Variants in MYH4 observed in about 807,000 individuals in gnomAD.
The protein encoded by MYH4 is myosin-4.
MYH4 carries 200 observed loss-of-function variants against 229.9 expected under a neutral mutation model. The ratio of observed to expected loss-of-function variants is 0.87; its 90% CI spans 0.78 to 0.98. The LOEUF (loss-of-function observed/expected upper bound fraction) is 0.98, where lower values mean the gene tolerates loss of function less well. Among genes scored for constraint, MYH4 ranks in the 50% least tolerant of loss-of-function variants. MYH4 has a pLI of 0.00. For synonymous variants in MYH4, 761 were observed against 834.6 expected, an observed-to-expected ratio of 0.91 and a Z score of 1.52; for missense variants, 2,148 against 2,332.6, an observed-to-expected ratio of 0.92 and a Z score of 1.63.
intron 7 of MYH4, 59 bp from the exon 8 acceptor site, chr17:10,463,702 G>GGCCGGGCGCGGTGGCTC: frequency 2.9e-6 from 4 of 1,357,172 alleles, no homozygotes; most frequent in Non-Finnish European, 4.1e-6. Context: ...ATTTCCCATT[G>GGCCGGGCGCGGTGGCTC]ACCTCTTTCC....
At chr17:10,465,122 A>G (rs556858040) in intron 5 of MYH4, among the ~76,000 whole-genome samples, 2 of 152,344 alleles carry the variant, frequency 1.3e-5, no homozygotes, top group East Asian at 3.9e-4. Context: ...TGTATTATCT[A>G]TAATCCAAAT....
rs1357441814 is a variant in MYH4 at position 10,457,683 on chromosome 17, T to G, written c.1634A>C (p.Lys545Thr). 1 of 1,614,158 alleles carries G rather than the reference T, an allele frequency of 6.2e-7. No individual in the cohort carries two copies. The highest frequency in any genetic ancestry group is 1.3e-5 in the African/African-American group (1 of 75,044). The change falls in exon 16 of 40, where the codon AAG (lysine) becomes ACG (threonine). Residue 545 changes from lysine to threonine, a missense_variant. Physicochemically the swap from Lys to Thr is moderately conservative, Grantham distance 78 (BLOSUM62 -1). Coordinates refer to ENST00000255381, the MANE Select transcript of MYH4 (RefSeq NM_017533.2). ...SILEEECMFP[K>T]ATDTSFKNKL... is the part of the protein sequence containing the mutation. ...GTTCTTGAAGGAGGTGTCTGTTGCCTTGGGGAACATGCACTCCTCTTCTAG... is the reference window on the plus strand; with the variant it reads ...GTTCTTGAAGGAGGTGTCTGTTGCCGTGGGGAACATGCACTCCTCTTCTAG...
chr17:10,457,652 C>T lies in MYH4; in HGVS notation c.1665G>A (p.Leu555=). The change falls in exon 16 of 40, where the codon CTG becomes CTA. Residue 555 remains leucine (L), a synonymous_variant. Transcript: ENST00000255381. Reference sequence around the variant, plus strand: ...TGGATTTTCCAAGATGTTGTTCATACAGCTTGTTCTTGAAGGAGGTGTCTG... The same window carrying T: ...TGGATTTTCCAAGATGTTGTTCATATAGCTTGTTCTTGAAGGAGGTGTCTG... The part of the protein sequence containing the change: ...KATDTSFKNK[L]YEQHLGKSNN... 1 of 1,614,212 alleles carries T rather than the reference C, an allele frequency of 6.2e-7. No individual in the cohort carries two copies.
chr17:10,466,804 C>G lies in MYH4; in HGVS notation c.-39-20G>C. 1 of 1,586,014 alleles carries G rather than the reference C, an allele frequency of 6.3e-7. No individual in the cohort carries two copies. The highest frequency in any genetic ancestry group is 1.1e-5 in the South Asian group (1 of 90,196). On this transcript the variant is annotated intron_variant, in intron 2 of 39. Coordinates refer to ENST00000255381, the MANE Select transcript of MYH4 (RefSeq NM_017533.2). ...GTATACCTAGAGGAAGAAACAGAGCCAAATGATGATTCAGGGTTGGGGTGG... is the reference window on the plus strand; with the variant it reads ...GTATACCTAGAGGAAGAAACAGAGCGAAATGATGATTCAGGGTTGGGGTGG...
chr17:10,447,792 C>A, intron 34 of MYH4, 26 bp downstream of exon 34: 1 of 1,580,302 alleles, frequency 6.3e-7, no homozygotes, highest in Admixed American at 1.7e-5. Flanking sequence ...GACTGTACAA[C>A]ACTATGTGTA....
At chr17:10,464,126 G>A (rs1315154031) in intron 7 of MYH4, among the ~76,000 whole-genome samples, 3 of 152,104 alleles carry the variant, frequency 2.0e-5, no homozygotes, top group Non-Finnish European at 4.4e-5. Flanking sequence ...AATGAGCATA[G>A]ATAGTACCCA....
At chr17:10,447,333 G>A (rs753990785) in intron 34 of MYH4, 117 bp from the exon 35 acceptor site, 64 of 774,454 alleles carry the variant, frequency 8.3e-5, no homozygotes, top group Middle Eastern at 7.4e-4. Context: ...AGGAGCAATC[G>A]GCAAGTACCT....
At chr17:10,465,722 T>G in intron 4 of MYH4, 124 bp from the exon 5 acceptor site, 1 of 1,268,466 alleles carries the variant, frequency 7.9e-7, no homozygotes, top group South Asian at 1.6e-5. Flanking sequence ...TTTCATTCAT[T>G]TGTTGCCTCC....
rs2072482391 is a variant in MYH4, at chr17:10,443,832, G to A, written c.5668-305C>T. Among the ~76,000 whole-genome samples the A allele has an allele frequency of 6.6e-6, 1 of 151,926 alleles. No individual in the cohort carries two copies. Among genetic ancestry groups the A allele is most frequent in the Admixed American group, 6.6e-5 (1 of 15,258 alleles). ...GGAGGCTGAGGCAGGAGAATCTCTT[G>A]GACCCAGGAGGCAGAGATTGCAGTG... On this transcript the variant is annotated intron_variant, in intron 39 of 39. Transcript: ENST00000255381. This position sits in a 1 kb window ranked among gnomAD's most constrained non-coding sequence, Gnocchi z 4.6.
Position 10,462,274 on chromosome 17 carries a change from A to C in MYH4, c.1008+591T>G, listed in dbSNP as rs373801661. On this transcript the variant is annotated intron_variant, in intron 11 of 39. Coordinates refer to ENST00000255381, the MANE Select transcript of MYH4 (RefSeq NM_017533.2). Reference sequence around the variant, plus strand: ...AAAGAAAGTAAGCCAAAAAGCAATAATCCTTAAAAAAGAGGTGATGGTGGG... The same window carrying C: ...AAAGAAAGTAAGCCAAAAAGCAATACTCCTTAAAAAAGAGGTGATGGTGGG... Among the ~76,000 whole-genome samples, 22 of 152,328 alleles carry C rather than the reference A, an allele frequency of 1.4e-4. No individual in the cohort carries two copies. The East Asian group carries it at 3.7e-3, about 25-fold the overall frequency.
rs1372416677 is a variant in MYH4, at chr17:10,447,102, C to T, written c.5080G>A (p.Ala1694Thr). ...LMQAEVEELR[A>T]SLERTERGRK... ...CCTCTCTCAGTCCGTTCCAGGGATG[C>T]CCTGAGCTCTTCAACTTCAGCCTGC... Residue 1694 changes from alanine to threonine, a missense_variant, in exon 35 of 40, where the codon GCA becomes ACA. Ala to Thr is a moderately conservative substitution (Grantham distance 58). Transcript: ENST00000255381. 1.2e-6 allele frequency: 2 copies of T among 1,614,114 alleles called. No homozygotes were observed. The highest frequency in any genetic ancestry group is 2.7e-5 in the African/African-American group (2 of 75,040).
rs373211256 is a variant in MYH4, at chr17:10,450,738, G to A, written c.3984+39C>T. The A allele has an allele frequency of 2.3e-5, 37 of 1,608,910 alleles. No individual in the cohort carries two copies. The African/African-American group carries it at 3.5e-4, about 15-fold the overall frequency. The stretch of plus-strand genomic sequence containing the variant: ...AGTTCAATAGTGTGTTATGTTGCAC[G>A]GTTCAAGTGATTGAAAGTATCAGCT... On this transcript the variant is annotated intron_variant, in intron 29 of 39. Transcript: ENST00000255381.
chr17:10,460,917 T>C lies in MYH4; in HGVS notation c.1146A>G (p.Glu382=). The C allele has an allele frequency of 1.2e-6, 2 of 1,614,056 alleles. No individual in the cohort carries two copies. The highest frequency in any genetic ancestry group is 1.7e-6 in the Non-Finnish European group (2 of 1,179,978). The change falls in exon 12 of 40, where the codon GAA becomes GAG. Residue 382 remains glutamate (E), a splice_region_variant and synonymous_variant. Transcript: ENST00000255381. ...GAAGATACCAACAGGGGGTGGTACC[T>C]TCCGTGCCATCTGGCTCTGCCTGCT... ...REEQAEPDGT[E]VADKAAYLTS... is the part of the protein sequence containing the mutation.
In MYH4 at chr17:10,454,575, A is replaced by G; in HGVS notation, c.2671T>C (p.Leu891=). ...MVTLMQEKND[L]QLQVQAEADA... is the part of the protein sequence containing the mutation. ...CTTACAGCTTGAACTTGGAGTTGTAAGTCATTTTTCTCTTGCATTAGCGTC... is the reference window on the plus strand; with the variant it reads ...CTTACAGCTTGAACTTGGAGTTGTAGGTCATTTTTCTCTTGCATTAGCGTC... The change falls in exon 22 of 40, where the codon TTA becomes CTA. Residue 891 remains leucine, a synonymous_variant. Transcript: ENST00000255381. 1 of 1,613,838 alleles carries G rather than the reference A, an allele frequency of 6.2e-7. No individual in the cohort carries two copies. The highest frequency in any genetic ancestry group is 8.5e-7 in the Non-Finnish European group (1 of 1,179,968).
At chr17:10,460,131 A>T (rs757532098) in intron 13 of MYH4, 30 bp from the exon 14 acceptor site, 1 of 1,614,090 alleles carries the variant, frequency 6.2e-7, no homozygotes, top group Non-Finnish European at 8.5e-7. Context: ...TTAGTTTTTT[A>T]AATTGAAAAC....
intron 39 of MYH4, 22 bp downstream of exon 39, chr17:10,444,582 T>C (rs2072489576): frequency 1.9e-6 from 3 of 1,600,044 alleles, no homozygotes; most frequent in Non-Finnish European, 2.6e-6. Context: ...GAACCTTTCA[T>C]TTCCACTGTG....
intron 7 of MYH4, among the ~76,000 whole-genome samples, chr17:10,463,997 C>G (rs1022643568): frequency 6.6e-6 from 1 of 152,112 alleles, no homozygotes; most frequent in Non-Finnish European, 1.5e-5. Context: ...TTTGAAGCAC[C>G]ACAGTCAGTT....
rs546813991 is a variant in MYH4, at chr17:10,465,693, T to TGTG, written c.349-98_349-96dup. The TGTG allele has an allele frequency of 2.6e-4, 384 of 1,500,752 alleles. 3 individuals are homozygous for TGTG. In the East Asian group the frequency reaches 7.8e-3, roughly 30 times the overall value. 93.0% of individuals were successfully genotyped at this position (1,500,752 alleles called of 1,614,324 possible). ...GGCAAGTAGAGCAGGACCTAAGTAC[T>TGTG]GTGTTAGTTCTCATAAAGTTTCATT... On this transcript the variant is annotated intron_variant, in intron 4 of 39. Coordinates refer to ENST00000255381, the MANE Select transcript of MYH4 (RefSeq NM_017533.2).
At position 10,444,523 on chromosome 17, in the gene MYH4, C is replaced by A. The variant is rs1375582358; in HGVS notation, c.5667+81G>T. ...TATGTATTCCCAATTTAAAGAAAAC[C>A]CCCTAAATTCTATAAACTTTAGGCC... On this transcript the variant is annotated intron_variant, in intron 39 of 39. Coordinates refer to ENST00000255381, the MANE Select transcript of MYH4 (RefSeq NM_017533.2). 6 of 1,000,236 alleles carry A rather than the reference C, an allele frequency of 6.0e-6. No individual in the cohort carries two copies. The African/African-American group carries it at 6.5e-5, about 11-fold the overall frequency. The allele number at this position is 1,000,236 out of a possible 1,614,324, so 62.0% of individuals were successfully genotyped here.
Sources: allele counts gnomAD v4.1 joint callset (sites outside exome capture counted in the v4.1 genomes callset), GRCh38; gene constraint gnomAD v4.1.1; non-coding constraint Gnocchi (gnomAD v3.1); transcripts MANE v1.5; gene names NCBI Gene and HGNC (gene_info 2026-07-23, HGNC 2026-07-21).